SUGCT: variants seen among roughly 807,000 people sequenced by gnomAD.
SUGCT encodes the protein succinyl-CoA:glutarate-CoA transferase, also known as succinyl-CoA:glutarate CoA-transferase.
SUGCT carries 41 observed loss-of-function variants against 55.0 expected under a neutral mutation model. The ratio of observed to expected loss-of-function variants is 0.74; its 90% CI spans 0.58 to 0.97. The LOEUF (loss-of-function observed/expected upper bound fraction) is 0.97. Among genes scored for constraint, SUGCT ranks in the 50% least tolerant of loss-of-function variants. The pLI is 0.00. For missense variants in SUGCT, 568 were observed against 547.8 expected, an observed-to-expected ratio of 1.04 and a Z score of -0.37; for synonymous variants, 187 against 200.4, an observed-to-expected ratio of 0.93 and a Z score of 0.56.
At chr7:40,786,721 A>ACC (rs11453803) in intron 13 of SUGCT, among the ~76,000 whole-genome samples, 1 of 151,840 alleles carries the variant, frequency 6.6e-6, no homozygotes, top group South Asian at 2.1e-4. Context: ...AATTAATCAT[A>ACC]CCCCCTCACT....
chr7:40,860,679 C>T lies in SUGCT; in HGVS notation c.*200C>T, dbSNP rs1424770451. Reference sequence around the variant, plus strand: ...TTAAATGTATCCCACGTTTTGTTCCCTACCATCTTTTTTTTCAGATGATGA... The same window carrying T: ...TTAAATGTATCCCACGTTTTGTTCCTTACCATCTTTTTTTTCAGATGATGA... On this transcript the variant is annotated 3_prime_UTR_variant, in exon 14 of 14. Transcript: ENST00000335693. 2 of 420,816 alleles carry T rather than the reference C, an allele frequency of 4.8e-6. No homozygotes were observed. Among genetic ancestry groups the T allele is most frequent in the Non-Finnish European group, 8.1e-6 (2 of 246,258 alleles). The allele number at this position is 420,816 out of a possible 1,614,324, so 26.1% of individuals were successfully genotyped here. A position where few individuals can be genotyped will look rare whatever the true frequency, so the allele number is the denominator to read the frequency against.
intron 13 of SUGCT, among the ~76,000 whole-genome samples, chr7:40,835,961 T>A (rs555100304): frequency 6.6e-6 from 1 of 150,922 alleles, no homozygotes; most frequent in East Asian, 1.9e-4. Flanking sequence ...GGAGTGATCA[T>A]GGCTCACTGC....
the SUGCT span, among the ~76,000 whole-genome samples, chr7:41,017,409 G>A: frequency 6.6e-6 from 1 of 152,184 alleles, no homozygotes; most frequent in South Asian, 2.1e-4. Context: ...TTTCACACTT[G>A]TCAGTCCCCT....
At chr7:40,640,369 C>T (rs1212925781) in intron 12 of SUGCT, among the ~76,000 whole-genome samples, 1 of 152,182 alleles carries the variant, frequency 6.6e-6, no homozygotes, top group Non-Finnish European at 1.5e-5. Flanking sequence ...TATCTAATAA[C>T]TGTCAGAGCC....
chr7:40,954,423 G>C, the SUGCT span, among the ~76,000 whole-genome samples: 1 of 152,188 alleles, frequency 6.6e-6, no homozygotes, highest in Non-Finnish European at 1.5e-5. Context: ...GCCTTGCCTT[G>C]CTTCAGCTCA....
intron 13 of SUGCT, among the ~76,000 whole-genome samples, chr7:40,831,974 G>A (rs1792693428): frequency 6.6e-6 from 1 of 152,200 alleles, no homozygotes; most frequent in South Asian, 2.1e-4. Flanking sequence ...TTATATAGTA[G>A]TAACTCCAGT....
intron 13 of SUGCT, among the ~76,000 whole-genome samples, chr7:40,811,250 C>G (rs535888743): frequency 9.0e-4 from 137 of 151,966 alleles, no homozygotes; most frequent in Non-Finnish European, 1.5e-3. Flanking sequence ...TATTTGGGCT[C>G]TTTTTTGGTT....
At chr7:40,181,309 A>G (rs1277660662) in intron 2 of SUGCT, among the ~76,000 whole-genome samples, 1 of 152,186 alleles carries the variant, frequency 6.6e-6, no homozygotes, top group Non-Finnish European at 1.5e-5. Flanking sequence ...AAAATTCAAC[A>G]AAAAAGTGAA....
At chr7:40,707,936 G>T (rs1374141110) in intron 12 of SUGCT, among the ~76,000 whole-genome samples, 2 of 152,182 alleles carry the variant, frequency 1.3e-5, no homozygotes, top group Non-Finnish European at 2.9e-5. Context: ...CAATGAATAG[G>T]AGCTTTGGGA....
the SUGCT span, among the ~76,000 whole-genome samples, chr7:41,008,130 G>A: frequency 1.3e-5 from 2 of 152,256 alleles, no homozygotes; most frequent in African/African-American, 2.4e-5. Flanking sequence ...TGGGGAGCCT[G>A]AAGGAGGGCT....
chr7:40,257,869 G>A (rs1440174913), intron 7 of SUGCT, among the ~76,000 whole-genome samples: 3 of 151,986 alleles, frequency 2.0e-5, no homozygotes, highest in Admixed American at 6.6e-5. Flanking sequence ...GCAAGACTAC[G>A]TCTCAGAAAA....
At chr7:40,476,874 G>A (rs1654224824) in intron 11 of SUGCT, among the ~76,000 whole-genome samples, 1 of 150,986 alleles carries the variant, frequency 6.6e-6, no homozygotes, top group Non-Finnish European at 1.5e-5. Context: ...CTTGCCTACT[G>A]CAACCTCTGC....
chr7:40,187,670 G>A (rs1284596823), intron 3 of SUGCT, among the ~76,000 whole-genome samples: 1 of 152,152 alleles, frequency 6.6e-6, no homozygotes, highest in African/African-American at 2.4e-5. Context: ...TGGTGCAGTG[G>A]GATCACTTTG....
chr7:40,201,938 C>A lies in SUGCT; in HGVS notation c.484+6878C>A, dbSNP rs142274117. On this transcript the variant is annotated intron_variant, in intron 6 of 13. Coordinates refer to ENST00000335693, the MANE Select transcript of SUGCT (RefSeq NM_001193313.2). The stretch of plus-strand genomic sequence containing the variant: ...TTCTCTTTGCTCATAGATGAAATCC[C>A]AGGCAAGTCCTATAGATTTTTTTTC... Among the ~76,000 whole-genome samples, 303 of 152,254 alleles carry A rather than the reference C, an allele frequency of 2.0e-3. 1 individual carries two copies. The highest frequency in any genetic ancestry group is 7.0e-3 in the African/African-American group (290 of 41,552).
At chr7:40,231,699 T>C (rs115686557) in intron 6 of SUGCT, among the ~76,000 whole-genome samples, 3,276 of 152,264 alleles carry the variant, frequency 0.022, 102 homozygotes, top group African/African-American at 0.074. Context: ...CCAAGCCATG[T>C]GGGGCCCTCT....
Position 40,274,597 on chromosome 7 carries a change from A to C in SUGCT, c.661A>C (p.Ile221Leu). The C allele has an allele frequency of 6.2e-7, 1 of 1,613,776 alleles. No individual in the cohort carries two copies. ...YAYGAIMAGL[I>L]QKYKTGKGLF... ...ATATGGAGCTATTATGGCTGGATTGATACAAAAATACAAAACTGGGAAAGG... is the reference window on the plus strand; with the variant it reads ...ATATGGAGCTATTATGGCTGGATTGCTACAAAAATACAAAACTGGGAAAGG... The change falls in exon 8 of 14, where the codon ATA (isoleucine) becomes CTA (leucine). Residue 221 changes from isoleucine (I) to leucine (L), a missense_variant. Ile to Leu is a conservative substitution (Grantham distance 5). Coordinates refer to ENST00000335693, the MANE Select transcript of SUGCT (RefSeq NM_001193313.2).
intron 12 of SUGCT, among the ~76,000 whole-genome samples, chr7:40,648,844 C>T (rs1800644733): frequency 6.6e-6 from 1 of 152,150 alleles, no homozygotes; most frequent in South Asian, 2.1e-4. Flanking sequence ...AGAGGGAGCA[C>T]GGGCCTCCCA....
intron 12 of SUGCT, among the ~76,000 whole-genome samples, chr7:40,567,588 T>G (rs1796217214): frequency 1.3e-5 from 2 of 152,192 alleles, no homozygotes; most frequent in Admixed American, 1.3e-4. Context: ...CTCTCTATCC[T>G]CTGGTCTTTT....
intron 9 of SUGCT, among the ~76,000 whole-genome samples, chr7:40,337,769 A>G (rs1179174135): frequency 6.6e-6 from 1 of 151,838 alleles, no homozygotes; most frequent in Non-Finnish European, 1.5e-5. Flanking sequence ...CTATTGTTAT[A>G]TGTGAATTTG....
Sources: allele counts gnomAD v4.1 joint callset (sites outside exome capture counted in the v4.1 genomes callset), GRCh38; gene constraint gnomAD v4.1.1; transcripts MANE v1.5; gene names NCBI Gene and HGNC (gene_info 2026-07-23, HGNC 2026-07-21).